The following BICDL1 variants were observed in gnomAD, a reference collection of about 807,000 sequenced individuals.
BICDL1 encodes the protein BICD family like cargo adaptor 1.
A neutral mutation model predicts 76.8 loss-of-function variants in BICDL1; 20 were observed. The ratio of observed to expected loss-of-function variants is 0.26; its 90% confidence interval spans 0.18 to 0.38. The LOEUF is 0.38. Among genes scored for constraint, BICDL1 ranks in the 10% least tolerant of loss-of-function variants. BICDL1 has a pLI of 1.00. For missense variants in BICDL1, 700 were observed against 798.6 expected (o/e 0.88, Z 1.49); for synonymous variants, 383 against 337.1 (o/e 1.14, Z -1.49).
chr12:120,065,218 G>A lies in BICDL1; in HGVS notation c.909+339G>A, dbSNP rs143189408. ...TTGCGAAATCTGCTAGAAGGTTTCAGAGGGAGCCTGTGACTCTCTAACTCA... is the reference window on the plus strand; with the variant it reads ...TTGCGAAATCTGCTAGAAGGTTTCAAAGGGAGCCTGTGACTCTCTAACTCA... On this transcript the variant is annotated intron_variant, in intron 4 of 9. Transcript: ENST00000548673. Among the ~76,000 whole-genome samples the A allele has an allele frequency of 4.8e-3, 728 of 152,328 alleles. 4 individuals carry two copies. The highest frequency in any genetic ancestry group is 7.5e-3 in the Non-Finnish European group (507 of 68,034).
intron 7 of BICDL1, among the ~76,000 whole-genome samples, chr12:120,077,335 C>T (rs979472296): frequency 6.6e-6 from 1 of 152,224 alleles, no homozygotes; most frequent in African/African-American, 2.4e-5. Context: ...TGTGCCCCCT[C>T]CTACCCCACT....
At chr12:120,034,310 A>G (rs1208480531) in intron 2 of BICDL1, among the ~76,000 whole-genome samples, 1 of 152,236 alleles carries the variant, frequency 6.6e-6, no homozygotes, top group African/African-American at 2.4e-5. Flanking sequence ...GGTTACTTGA[A>G]TGTAACTCAA....
At chr12:120,025,692 A>G (rs913745342) in intron 2 of BICDL1, among the ~76,000 whole-genome samples, 5 of 152,122 alleles carry the variant, frequency 3.3e-5, no homozygotes, top group East Asian at 1.9e-4. Flanking sequence ...CAGTAAAGCT[A>G]TTTTCAAAAT....
At chr12:120,035,370 C>T (rs1468626517) in intron 2 of BICDL1, among the ~76,000 whole-genome samples, 2 of 152,096 alleles carry the variant, frequency 1.3e-5, no homozygotes, top group African/African-American at 2.4e-5. Flanking sequence ...GTATTGACTG[C>T]TTATTGTGTA....
At chr12:120,036,808 G>A (rs780436403) in intron 2 of BICDL1, among the ~76,000 whole-genome samples, 4 of 152,206 alleles carry the variant, frequency 2.6e-5, no homozygotes, top group African/African-American at 4.8e-5. Flanking sequence ...CCCGGAAGGC[G>A]GAGGTTGCAG....
Position 119,990,004 on chromosome 12 carries a change from C to A in BICDL1, c.136C>A (p.Pro46Thr), listed in dbSNP as rs1293266196. ...SPAAAAALIF[P>T]GGSGELELAL... ...CGCCGCCGCCGCCGCCCTCATCTTC[C>A]CCGGGGGCTCCGGGGAGCTAGAACT... Residue 46 changes from proline to threonine, a missense_variant, in exon 1 of 10, where the codon CCC (proline) becomes ACC (threonine). By Grantham distance (38) the Pro-to-Thr change is conservative (BLOSUM62 -1). This residue lies in a region of BICDL1 where 225 missense variants were observed against 199.6 expected (regional missense o/e 1.13). Transcript: ENST00000548673. 6.7e-7 allele frequency: 1 copy of A among 1,488,970 alleles called. No homozygotes were observed. The highest frequency in any genetic ancestry group is 1.3e-5 in the South Asian group (1 of 75,644). The allele number at this position is 1,488,970 out of a possible 1,614,324, so 92.2% of individuals were successfully genotyped here.
At chr12:120,010,970 A>T (rs958201045) in intron 2 of BICDL1, among the ~76,000 whole-genome samples, 1 of 152,242 alleles carries the variant, frequency 6.6e-6, no homozygotes. Flanking sequence ...TTTGTAGAAG[A>T]GTAACCCTAG....
intron 2 of BICDL1, among the ~76,000 whole-genome samples, chr12:120,013,493 AC>A (rs1951999928): frequency 7.9e-6 from 1 of 126,112 alleles, no homozygotes; most frequent in South Asian, 2.7e-4. Context: ...TCAGAGTCTT[AC>A]TCTATCACCC....
Position 120,072,553 on chromosome 12 carries a change from C to T in BICDL1, c.1132C>T (p.Leu378=). The T allele has an allele frequency of 6.2e-7, 1 of 1,614,192 alleles. No individual in the cohort carries two copies. The highest frequency in any genetic ancestry group is 1.6e-4 in the Middle Eastern group (1 of 6,062). Residue 378 remains leucine, a synonymous_variant, in exon 6 of 10, where the codon CTG becomes TTG. Coordinates refer to ENST00000548673, the MANE Select transcript of BICDL1 (RefSeq NM_001367886.1). ...GGAAGCCTACTGCCAGGTTCGCTAT[C>T]TGTGCTCACACCTTCGAGGCAATGA... ...LWEAYCQVRY[L]CSHLRGNDSA...
intron 2 of BICDL1, among the ~76,000 whole-genome samples, chr12:120,055,679 G>T (rs1201758244): frequency 1.3e-5 from 2 of 152,158 alleles, no homozygotes; most frequent in Non-Finnish European, 1.5e-5. Flanking sequence ...TGTATTCAGT[G>T]AAAGTAAAAG....
intron 7 of BICDL1, among the ~76,000 whole-genome samples, chr12:120,077,706 C>T (rs1038394072): frequency 1.1e-4 from 17 of 152,290 alleles, no homozygotes; most frequent in East Asian, 1.9e-4. Flanking sequence ...CTCCATCCTC[C>T]GTCCTCCTAG....
At chr12:120,078,739 C>T (rs940680279) in intron 7 of BICDL1, among the ~76,000 whole-genome samples, 6 of 152,172 alleles carry the variant, frequency 3.9e-5, no homozygotes, top group Non-Finnish European at 7.3e-5. Flanking sequence ...TTTTTTAGGC[C>T]AAAGCAAAAA....
intron 2 of BICDL1, among the ~76,000 whole-genome samples, chr12:120,047,895 T>A (rs937129085): frequency 6.6e-6 from 1 of 152,216 alleles, no homozygotes; most frequent in Non-Finnish European, 1.5e-5. Flanking sequence ...CATCTTCAGC[T>A]ACTTAAGAAT....
At chr12:120,090,303 T>G (rs1322118297) in intron 9 of BICDL1, 3 of 479,652 alleles carry the variant, frequency 6.3e-6, no homozygotes, top group Non-Finnish European at 1.1e-5. Flanking sequence ...GGAGATGTAG[T>G]GATCTCCAGA....
chr12:119,996,793 A>G (rs1951656911), intron 1 of BICDL1, among the ~76,000 whole-genome samples: 1 of 152,174 alleles, frequency 6.6e-6, no homozygotes, highest in Non-Finnish European at 1.5e-5. Flanking sequence ...GTTACACCAG[A>G]ATGTTTCTGA....
At chr12:120,080,660 T>G (rs1873896094) in intron 7 of BICDL1, 1 of 401,920 alleles carries the variant, frequency 2.5e-6, no homozygotes, top group African/African-American at 2.0e-5. Context: ...AGAGCTAAAT[T>G]CCCCCCAGCT....
chr12:120,019,474 G>A (rs778215270), intron 2 of BICDL1, among the ~76,000 whole-genome samples: 4 of 152,106 alleles, frequency 2.6e-5, no homozygotes, highest in Non-Finnish European at 5.9e-5. Context: ...TGTGCAGAAG[G>A]TTATAAAGTT....
At chr12:120,064,912 A>G (rs1178015512) in intron 4 of BICDL1, 33 bp downstream of exon 4, 1 of 1,569,766 alleles carries the variant, frequency 6.4e-7, no homozygotes, top group Non-Finnish European at 8.6e-7. Context: ...CTGCAGGACT[A>G]GAGCCAGATA....
chr12:119,994,395 T>C (rs1951593073), intron 1 of BICDL1, among the ~76,000 whole-genome samples: 1 of 140,044 alleles, frequency 7.1e-6, no homozygotes, highest in East Asian at 2.0e-4. Flanking sequence ...TTTTTGGTTC[T>C]TTTTTTTTTT....
Sources: gnomAD v4.1 joint callset for allele counts (sites outside exome capture counted in the v4.1 genomes callset) on GRCh38, gnomAD v4.1.1 for gene constraint, gnomAD v4.1.1 regional missense constraint, MANE v1.5 for transcripts, NCBI Gene and HGNC (gene_info 2026-07-23, HGNC 2026-07-21) for gene names.